The following SERGEF variants were observed in gnomAD, a reference collection of about 807,000 sequenced individuals.
SERGEF encodes the protein secretion-regulating guanine nucleotide exchange factor.
A neutral mutation model predicts 50.0 loss-of-function variants in SERGEF; 51 were observed. The observed-to-expected ratio is 1.02, with a 90% CI of 0.81 to 1.29. SERGEF has a LOEUF of 1.29. SERGEF is among the 50% of genes most tolerant of loss of function. The pLI is 0.00. For missense variants in SERGEF, 521 were observed against 557.0 expected, an observed-to-expected ratio of 0.94 and a Z score of 0.65; for synonymous variants, 205 against 212.4, an observed-to-expected ratio of 0.97 and a Z score of 0.30.
chr11:17,995,280 C>G (rs1853813079), intron 6 of SERGEF, among the ~76,000 whole-genome samples: 1 of 152,214 alleles, frequency 6.6e-6, no homozygotes, highest in African/African-American at 2.4e-5. Context: ...CTCACTCACT[C>G]CTGCTTCCTT....
At chr11:18,008,955 G>T (rs552872161) in intron 1 of SERGEF, among the ~76,000 whole-genome samples, 32 of 152,096 alleles carry the variant, frequency 2.1e-4, no homozygotes, top group Non-Finnish European at 4.0e-4. Flanking sequence ...TGTTATCTGT[G>T]TCTCTGGAGC....
At chr11:17,918,837 G>A (rs1031714294) in intron 9 of SERGEF, 1 of 383,104 alleles carries the variant, frequency 2.6e-6, no homozygotes, top group Non-Finnish European at 5.1e-6. Flanking sequence ...AGGGAAGAGT[G>A]TGAGCAAAGG....
At chr11:17,798,337 C>T (rs1849604189) in intron 10 of SERGEF, among the ~76,000 whole-genome samples, 1 of 152,230 alleles carries the variant, frequency 6.6e-6, no homozygotes, top group Non-Finnish European at 1.5e-5. Flanking sequence ...CACCCCCTGG[C>T]ATCACTGCAG....
At chr11:17,922,854 C>T (rs1480681264) in intron 9 of SERGEF, among the ~76,000 whole-genome samples, 1 of 152,208 alleles carries the variant, frequency 6.6e-6, no homozygotes. Context: ...ATTCCCTTTA[C>T]TCCTTTTGTG....
chr11:17,830,617 A>G (rs1253351429), intron 10 of SERGEF, among the ~76,000 whole-genome samples: 1 of 138,158 alleles, frequency 7.2e-6, no homozygotes, highest in African/African-American at 2.8e-5. Flanking sequence ...AGAGAGAGAG[A>G]GAGAGAGAGG....
intron 10 of SERGEF, among the ~76,000 whole-genome samples, chr11:17,828,443 C>T (rs1272738239): frequency 3.3e-5 from 5 of 152,228 alleles, no homozygotes; most frequent in Admixed American, 6.5e-5. Context: ...CAGCTGGAGT[C>T]AGCTGGGCTC....
intron 1 of SERGEF, chr11:18,012,608 C>T: frequency 8.5e-7 from 1 of 1,174,688 alleles, no homozygotes; most frequent in Non-Finnish European, 1.1e-6. Flanking sequence ...GGGCGATCCT[C>T]TCCACCGAGC....
At chr11:17,804,023 G>A (rs1849715253) in intron 10 of SERGEF, among the ~76,000 whole-genome samples, 1 of 152,238 alleles carries the variant, frequency 6.6e-6, no homozygotes, top group African/African-American at 2.4e-5. Context: ...AGGTACCCAA[G>A]GATCAGACAC....
At chr11:17,966,449 G>A (rs751220796) in intron 8 of SERGEF, among the ~76,000 whole-genome samples, 4 of 152,048 alleles carry the variant, frequency 2.6e-5, no homozygotes, top group Non-Finnish European at 4.4e-5. Context: ...TGAGAGAACC[G>A]CAACAGATGA....
chr11:17,895,074 A>C (rs965286398), intron 9 of SERGEF, among the ~76,000 whole-genome samples: 1 of 152,216 alleles, frequency 6.6e-6, no homozygotes, highest in Non-Finnish European at 1.5e-5. Context: ...CACAGAGCCC[A>C]AGAATCTTTG....
At chr11:17,805,582 C>T (rs1386845009) in intron 10 of SERGEF, among the ~76,000 whole-genome samples, 11 of 152,192 alleles carry the variant, frequency 7.2e-5, no homozygotes, top group African/African-American at 2.4e-5. Context: ...TTCAGAGCTG[C>T]AAACTTGTAA....
intron 9 of SERGEF, among the ~76,000 whole-genome samples, chr11:17,932,776 G>T (rs1313104036): frequency 6.6e-6 from 1 of 152,116 alleles, no homozygotes; most frequent in Non-Finnish European, 1.5e-5. Context: ...GGAACAAATG[G>T]AGAGGCAGAG....
intron 10 of SERGEF, among the ~76,000 whole-genome samples, chr11:17,822,563 T>G (rs1430013198): frequency 1.3e-5 from 2 of 152,148 alleles, no homozygotes; most frequent in African/African-American, 4.8e-5. Flanking sequence ...TGGGGAAACC[T>G]CTGGAGCGGC....
intron 10 of SERGEF, among the ~76,000 whole-genome samples, chr11:17,836,224 C>T (rs1445198144): frequency 3.3e-5 from 5 of 152,246 alleles, no homozygotes; most frequent in Admixed American, 2.0e-4. Flanking sequence ...TAGCCCAGCA[C>T]ATTTTATCCT....
intron 9 of SERGEF, among the ~76,000 whole-genome samples, chr11:17,907,420 G>A (rs1241582325): frequency 6.6e-6 from 1 of 152,218 alleles, no homozygotes; most frequent in Non-Finnish European, 1.5e-5. Context: ...GGAGGGGTCA[G>A]TTCTGAATGT....
chr11:17,883,042 A>C (rs982128065), intron 9 of SERGEF, among the ~76,000 whole-genome samples: 6 of 152,216 alleles, frequency 3.9e-5, no homozygotes, highest in Admixed American at 2.6e-4. Flanking sequence ...GCTCTGTCTT[A>C]GTGCTTCCCA....
At chr11:17,830,676 G>GAA (rs1342299816) in intron 10 of SERGEF, among the ~76,000 whole-genome samples, 4 of 148,712 alleles carry the variant, frequency 2.7e-5, no homozygotes, top group Non-Finnish European at 6.0e-5. Context: ...GAGAGAGAGA[G>GAA]AGAGAGAGAG....
intron 10 of SERGEF, among the ~76,000 whole-genome samples, chr11:17,813,625 A>T (rs1849912261): frequency 6.6e-6 from 1 of 152,192 alleles, no homozygotes; most frequent in Non-Finnish European, 1.5e-5. Context: ...TCCCCCACAA[A>T]AATCTTTCCT....
intron 9 of SERGEF, among the ~76,000 whole-genome samples, chr11:17,948,961 G>A (rs1852721931): frequency 6.6e-6 from 1 of 152,124 alleles, no homozygotes; most frequent in African/African-American, 2.4e-5. Flanking sequence ...TGCAGGAGGT[G>A]GTGGCCACCA....
Sources: gnomAD v4.1 joint callset for allele counts (sites outside exome capture counted in the v4.1 genomes callset) on GRCh38, gnomAD v4.1.1 for gene constraint, MANE v1.5 for transcripts, NCBI Gene and HGNC (gene_info 2026-07-23, HGNC 2026-07-21) for gene names.